Variants in ATP8A2 observed in about 807,000 individuals in gnomAD.
ATP8A2 encodes ATPase phospholipid transporting 8A2, also known as phospholipid-transporting ATPase IB.
A neutral mutation model predicts 165.6 loss-of-function variants in ATP8A2; 100 were observed. The ratio of observed to expected loss-of-function variants is 0.60; its 90% CI spans 0.51 to 0.71. The LOEUF (loss-of-function observed/expected upper bound fraction) is 0.71, where lower values mean the gene tolerates loss of function less well. Among genes scored for constraint, ATP8A2 ranks in the 30% least tolerant of loss-of-function variants. The pLI, the probability that ATP8A2 is intolerant of heterozygous loss-of-function variation, is 0.00. For missense variants in ATP8A2, 1,227 were observed against 1,479.5 expected (o/e 0.83, Z 2.80); for synonymous variants, 543 against 548.8 (o/e 0.99, Z 0.15).
intron 1 of ATP8A2, among the ~76,000 whole-genome samples, chr13:25,408,956 G>T (rs2033888354): frequency 6.6e-6 from 1 of 152,194 alleles, no homozygotes; most frequent in Non-Finnish European, 1.5e-5. Context: ...ATAAAGCATT[G>T]TTGTGATGCT....
chr13:25,466,955 A>G (rs2035684945), intron 1 of ATP8A2, among the ~76,000 whole-genome samples: 1 of 152,246 alleles, frequency 6.6e-6, no homozygotes, highest in African/African-American at 2.4e-5. Flanking sequence ...CATATAGGCT[A>G]GCTTCAAAAA....
At chr13:25,642,281 A>G (rs75835801) in intron 24 of ATP8A2, among the ~76,000 whole-genome samples, 5,257 of 152,268 alleles carry the variant, frequency 0.035, 157 homozygotes, top group East Asian at 0.13. Flanking sequence ...AGCTTCTGCC[A>G]GCAAAAGAAA....
intron 24 of ATP8A2, among the ~76,000 whole-genome samples, chr13:25,669,818 G>A (rs997788413): frequency 2.6e-5 from 4 of 152,176 alleles, no homozygotes; most frequent in African/African-American, 7.2e-5. Flanking sequence ...TGCCACTGCT[G>A]CCTGAAATGC....
At chr13:25,738,344 C>CG (rs1352803464) in intron 25 of ATP8A2, among the ~76,000 whole-genome samples, 2 of 121,754 alleles carry the variant, frequency 1.6e-5, no homozygotes, top group Non-Finnish European at 3.6e-5. Context: ...CCCCCCTCCC[C>CG]CCCCCCCACA....
At chr13:25,468,819 G>A (rs1009583040) in intron 1 of ATP8A2, 158 bp from the exon 2 acceptor site, 17 of 984,052 alleles carry the variant, frequency 1.7e-5, no homozygotes, top group Non-Finnish European at 2.1e-5. Context: ...CACAGGCGGC[G>A]GCGTCTCCAG....
chr13:25,560,849 C>T (rs2039125640), intron 15 of ATP8A2, among the ~76,000 whole-genome samples: 2 of 151,830 alleles, frequency 1.3e-5, no homozygotes, highest in Non-Finnish European at 2.9e-5. Context: ...AGGCATATGC[C>T]ATTTCAACCA....
rs866066256 is a variant in ATP8A2 at position 25,372,696 on chromosome 13, C to T, written c.76+408C>T. 2.4e-4 allele frequency among the ~76,000 whole-genome samples: 37 copies of T among 152,288 alleles called. No individual in the cohort carries two copies. Among genetic ancestry groups the T allele is most frequent in the African/African-American group, 8.2e-4 (34 of 41,556 alleles). ...GAGAAGATGCAGCCTTCCCTGCCGGCGGCCGGCACCGCTGTGCTGCAGAGC... is the reference window on the plus strand; with the variant it reads ...GAGAAGATGCAGCCTTCCCTGCCGGTGGCCGGCACCGCTGTGCTGCAGAGC... On this transcript the variant is annotated intron_variant, in intron 1 of 36. Transcript: ENST00000381655. The surrounding 1 kb of genome is among the most constrained non-coding windows in gnomAD (Gnocchi z 4.8).
At chr13:25,778,786 G>A (rs1347735455) in intron 27 of ATP8A2, among the ~76,000 whole-genome samples, 1 of 152,160 alleles carries the variant, frequency 6.6e-6, no homozygotes, top group Non-Finnish European at 1.5e-5. Context: ...ACTGTCACCA[G>A]CCTCCTCTGC....
chr13:26,009,543 C>T (rs1956802502), intron 35 of ATP8A2, among the ~76,000 whole-genome samples: 1 of 152,160 alleles, frequency 6.6e-6, no homozygotes, highest in Non-Finnish European at 1.5e-5. Flanking sequence ...GCTATATGGT[C>T]TACTTTTAGG....
intron 30 of ATP8A2, among the ~76,000 whole-genome samples, chr13:25,841,890 A>G (rs954983145): frequency 6.6e-6 from 1 of 152,198 alleles, no homozygotes; most frequent in Non-Finnish European, 1.5e-5. Context: ...TTGATGTGTC[A>G]TCCCATGGTG....
intron 25 of ATP8A2, among the ~76,000 whole-genome samples, chr13:25,709,130 A>G (rs1216326938): frequency 6.6e-6 from 1 of 151,420 alleles, no homozygotes; most frequent in African/African-American, 2.4e-5. Flanking sequence ...AGAGAGACAG[A>G]CAGACACCCC....
chr13:25,980,024 C>T (rs913034393), intron 35 of ATP8A2, among the ~76,000 whole-genome samples: 1 of 152,092 alleles, frequency 6.6e-6, no homozygotes, highest in African/African-American at 2.4e-5. Context: ...CCAGGGAAAA[C>T]CGTATGTATT....
At chr13:25,535,094 A>G (rs1393631309) in intron 6 of ATP8A2, among the ~76,000 whole-genome samples, 1 of 152,182 alleles carries the variant, frequency 6.6e-6, no homozygotes, top group African/African-American at 2.4e-5. Context: ...AGATCAGGAA[A>G]GTCTGCCCTC....
chr13:25,507,577 AT>A (rs1383819375), intron 2 of ATP8A2, among the ~76,000 whole-genome samples: 17 of 152,146 alleles, frequency 1.1e-4, no homozygotes, highest in African/African-American at 3.9e-4. Flanking sequence ...TGCTGGTACC[AT>A]TTTTAAATAA....
chr13:25,745,319 G>A (rs1489463315), intron 25 of ATP8A2, among the ~76,000 whole-genome samples: 1 of 152,150 alleles, frequency 6.6e-6, no homozygotes, highest in Non-Finnish European at 1.5e-5. Context: ...CTTGCTCCTT[G>A]TTTTCCTGAA....
chr13:25,494,972 A>C (rs2036630587), intron 2 of ATP8A2, among the ~76,000 whole-genome samples: 1 of 152,066 alleles, frequency 6.6e-6, no homozygotes, highest in Non-Finnish European at 1.5e-5. Flanking sequence ...TTGCCTCTCA[A>C]ATCTGTTTAA....
At chr13:25,509,592 T>G (rs909760177) in intron 2 of ATP8A2, among the ~76,000 whole-genome samples, 6 of 152,146 alleles carry the variant, frequency 3.9e-5, no homozygotes, top group African/African-American at 1.4e-4. Context: ...GTTTTTTTCA[T>G]TATAAGTAAA....
intron 33 of ATP8A2, among the ~76,000 whole-genome samples, chr13:25,933,526 A>C (rs148507165): frequency 6.6e-6 from 1 of 152,098 alleles, no homozygotes; most frequent in African/African-American, 2.4e-5. Flanking sequence ...CTGGCTCAGG[A>C]TGAGTGTTGA....
At chr13:25,679,174 G>A (rs551283583) in intron 24 of ATP8A2, among the ~76,000 whole-genome samples, 2 of 152,258 alleles carry the variant, frequency 1.3e-5, no homozygotes, top group Non-Finnish European at 2.9e-5. Flanking sequence ...TTGAGAGAAT[G>A]GTGGCAACAT....
Sources: gnomAD v4.1 joint callset for allele counts (sites outside exome capture counted in the v4.1 genomes callset) on GRCh38, gnomAD v4.1.1 for gene constraint, Gnocchi (gnomAD v3.1) non-coding constraint, MANE v1.5 for transcripts, NCBI Gene and HGNC (gene_info 2026-07-23, HGNC 2026-07-21) for gene names.